Variants in YTHDC2 observed in about 807,000 individuals in gnomAD.
YTHDC2 encodes the protein YTH N6-methyladenosine RNA binding protein C2.
Under a neutral mutation model 174.9 loss-of-function variants are expected in YTHDC2, and 45 were observed. The observed-to-expected ratio is 0.26, with a 90% CI of 0.20 to 0.33. The LOEUF is 0.33. Ranked by LOEUF, YTHDC2 falls within the 10% of genes least tolerant of loss-of-function variation. The pLI is 1.00. For missense variants in YTHDC2, 1,650 were observed against 1,723.7 expected, an observed-to-expected ratio of 0.96 and a Z score of 0.76; for synonymous variants, 657 against 574.5, an observed-to-expected ratio of 1.14 and a Z score of -2.05.
chr5:113,574,407 C>T (rs930928450), intron 23 of YTHDC2, among the ~76,000 whole-genome samples: 1 of 152,178 alleles, frequency 6.6e-6, no homozygotes, highest in African/African-American at 2.4e-5. Context: ...CTGGAAGCCC[C>T]TGTTCTGAGG....
chr5:113,544,442 C>G (rs1266942674), intron 10 of YTHDC2, among the ~76,000 whole-genome samples: 2 of 152,138 alleles, frequency 1.3e-5, no homozygotes, highest in African/African-American at 2.4e-5. Flanking sequence ...AGTCACCACA[C>G]CCAGCCCAAA....
At chr5:113,545,733 T>TAAAAGTAAC (rs1775836557) in intron 10 of YTHDC2, among the ~76,000 whole-genome samples, 1 of 35,720 alleles carries the variant, frequency 2.8e-5, no homozygotes, top group Non-Finnish European at 5.1e-5. Context: ...TCTCCATTTT[T>TAAAAGTAAC]TTTTTTTTTT....
At chr5:113,592,586 T>C (rs1779067299) in intron 28 of YTHDC2, 1 of 152,810 alleles carries the variant, frequency 6.5e-6, no homozygotes, top group African/African-American at 2.4e-5. Context: ...ATTTATTTCT[T>C]ATGATTAAAT....
rs868431317 is a variant in YTHDC2, at chr5:113,589,412, T to A, written c.3826-1629T>A. ...TTAAAAATTAAAAAAAAAAAAAATA[T>A]ATATATATATATATATATATGTATA... On this transcript the variant is annotated intron_variant, in intron 26 of 29. Transcript: ENST00000161863. 7.8e-3 allele frequency among the ~76,000 whole-genome samples: 1,023 copies of A among 130,974 alleles called. 6 individuals carry two copies. The highest frequency in any genetic ancestry group is 0.06 in the East Asian group (264 of 4,394). The allele number at this position is 130,974 out of a possible 152,430, so 85.9% of individuals were successfully genotyped here.
intron 7 of YTHDC2, 101 bp downstream of exon 7, chr5:113,535,899 C>G (rs1189165826): frequency 4.1e-6 from 4 of 969,796 alleles, no homozygotes; most frequent in Non-Finnish European, 5.9e-6. Context: ...AAGTAGAGGC[C>G]ATCTATTACC....
chr5:113,584,042 T>C (rs543791055), intron 25 of YTHDC2: 35 of 261,898 alleles, frequency 1.3e-4, no homozygotes, highest in Admixed American at 3.1e-4. Context: ...TTATTTTATT[T>C]AACAGATAAG....
intron 7 of YTHDC2, among the ~76,000 whole-genome samples, chr5:113,538,413 A>G (rs1775227803): frequency 6.6e-6 from 1 of 152,112 alleles, no homozygotes; most frequent in African/African-American, 2.4e-5. Context: ...CTCTTACCTC[A>G]TCTTGAACGA....
Position 113,513,967 on chromosome 5 carries a change from T to G in YTHDC2, c.72T>G (p.Pro24=), listed in dbSNP as rs753141149. 6.2e-7 allele frequency: 1 copy of G among 1,603,404 alleles called. No individual in the cohort carries two copies. The highest frequency in any genetic ancestry group is 1.7e-5 in the Admixed American group (1 of 58,748). The change falls in exon 1 of 30, where the codon CCT becomes CCG. Residue 24 remains proline, a synonymous_variant. Transcript: ENST00000161863. ...PGGGGGGGPS[P]CGPGGGGRAK... is the part of the protein sequence containing the mutation. ...GTGGCGGAGGCGGCGGCCCCTCGCC[T>G]TGTGGCCCTGGGGGCGGCGGCCGGG...
chr5:113,554,613 T>G (rs1045330616), intron 16 of YTHDC2, among the ~76,000 whole-genome samples: 3 of 152,068 alleles, frequency 2.0e-5, no homozygotes, highest in African/African-American at 7.2e-5. Flanking sequence ...CTAGTCTACT[T>G]TTACCTTTTC....
At chr5:113,565,831 G>C in intron 20 of YTHDC2, 62 bp from the exon 21 acceptor site, 1 of 1,537,576 alleles carries the variant, frequency 6.5e-7, no homozygotes, top group Admixed American at 2.0e-5. Context: ...GTAGTTACTT[G>C]TTGCCTCACT....
chr5:113,518,202 T>G (rs1040890874), intron 2 of YTHDC2, among the ~76,000 whole-genome samples: 7 of 150,640 alleles, frequency 4.6e-5, no homozygotes, highest in Non-Finnish European at 1.0e-4. Context: ...TTTGTTTTTT[T>G]TTTTTTTTGG....
chr5:113,558,338 A>G (rs1238648674), intron 17 of YTHDC2, among the ~76,000 whole-genome samples: 5 of 152,226 alleles, frequency 3.3e-5, no homozygotes, highest in African/African-American at 1.2e-4. Flanking sequence ...AACAAAAATG[A>G]TGGTAGGAGG....
At chr5:113,565,309 G>T (rs1467400427) in intron 20 of YTHDC2, among the ~76,000 whole-genome samples, 1 of 152,102 alleles carries the variant, frequency 6.6e-6, no homozygotes, top group African/African-American at 2.4e-5. Context: ...AGAAGTAGAG[G>T]GAGATTTAGA....
rs74931691 is a variant in YTHDC2 at position 113,537,323 on chromosome 5, T to A, written c.1102+1525T>A. Among the ~76,000 whole-genome samples the A allele has an allele frequency of 6.4e-3, 968 of 151,990 alleles. 7 individuals carry two copies. Among genetic ancestry groups the A allele is most frequent in the African/African-American group, 0.022 (901 of 41,474 alleles). On this transcript the variant is annotated intron_variant, in intron 7 of 29. Transcript: ENST00000161863. The stretch of plus-strand genomic sequence containing the variant: ...TCAAATTTTAGGCAAAAATCTTACT[T>A]AACTTTTCTGTGGTATGTTTTATGG...
chr5:113,523,313 C>G (rs1298644839), intron 2 of YTHDC2, among the ~76,000 whole-genome samples: 1 of 152,096 alleles, frequency 6.6e-6, no homozygotes, highest in African/African-American at 2.4e-5. Context: ...TGCCGTTGAT[C>G]ATGTAACTGC....
chr5:113,522,051 A>G (rs891371997), intron 2 of YTHDC2, among the ~76,000 whole-genome samples: 1 of 151,788 alleles, frequency 6.6e-6, no homozygotes, highest in African/African-American at 2.4e-5. Context: ...AGATCTTTGC[A>G]TCTGTCTGCC....
chr5:113,554,018 AAG>A lies in YTHDC2; in HGVS notation c.2132_2133del (p.Lys712IlefsTer3). ...TTTGTTATTGATTCTGGTAAGGTGA[AAG>A]AGGTATGTATGGGTAAGTTGTAGTT... On this transcript the variant is annotated frameshift_variant and splice_region_variant, in exon 16 of 30. Coordinates refer to ENST00000161863, the MANE Select transcript of YTHDC2 (RefSeq NM_022828.5). LOFTEE classifies it high-confidence loss of function. 1 of 1,562,026 alleles carries A rather than the reference AAG, an allele frequency of 6.4e-7. No homozygotes were observed. Among genetic ancestry groups the A allele is most frequent in the South Asian group, 1.2e-5 (1 of 81,928 alleles).
rs1212814825 is a variant in YTHDC2, at chr5:113,520,021, A to G, written c.278+4659A>G. On this transcript the variant is annotated intron_variant, in intron 2 of 29. Coordinates refer to ENST00000161863, the MANE Select transcript of YTHDC2 (RefSeq NM_022828.5). Reference sequence around the variant, plus strand: ...CTAGGTTTTAAGCCCTGCATGCATTAGATATTAGTCCTAATGCTCTTCCTT... The same window carrying G: ...CTAGGTTTTAAGCCCTGCATGCATTGGATATTAGTCCTAATGCTCTTCCTT... Among the ~76,000 whole-genome samples the G allele has an allele frequency of 3.9e-5, 6 of 152,270 alleles. No homozygotes were observed. The East Asian group carries it at 1.2e-3, about 29-fold the overall frequency.
intron 7 of YTHDC2, 137 bp from the exon 8 acceptor site, chr5:113,538,936 CA>C: frequency 2.1e-6 from 1 of 469,404 alleles, no homozygotes. Context: ...AGTTAAAGGA[CA>C]ATATTATAAG....
Sources: allele counts gnomAD v4.1 joint callset (sites outside exome capture counted in the v4.1 genomes callset), GRCh38; gene constraint gnomAD v4.1.1; transcripts MANE v1.5; gene names NCBI Gene and HGNC (gene_info 2026-07-23, HGNC 2026-07-21).